The following RAP1GAP2 variants were observed in gnomAD, a reference collection of about 807,000 sequenced individuals.
RAP1GAP2 encodes rap1 GTPase-activating protein 2.
A neutral mutation model predicts 95.0 loss-of-function variants in RAP1GAP2; 27 were observed. The ratio of observed to expected loss-of-function variants is 0.28; its 90% CI spans 0.21 to 0.39. The LOEUF is 0.39. Ranked by LOEUF, RAP1GAP2 falls within the 10% of genes least tolerant of loss-of-function variation. The pLI is 1.00. For synonymous variants in RAP1GAP2, 373 were observed against 380.9 expected (o/e 0.98, Z 0.24); for missense variants, 771 against 970.0 (o/e 0.79, Z 2.72).
intron 11 of RAP1GAP2, among the ~76,000 whole-genome samples, chr17:2,989,863 C>T (rs1038537542): frequency 6.6e-6 from 1 of 152,116 alleles, no homozygotes; most frequent in Non-Finnish European, 1.5e-5. Flanking sequence ...TCATCACCCC[C>T]AAAAGAAACC....
intron 2 of RAP1GAP2, among the ~76,000 whole-genome samples, chr17:2,803,290 G>A (rs146445719): frequency 3.9e-5 from 6 of 152,282 alleles, no homozygotes; most frequent in East Asian, 1.9e-4. Flanking sequence ...CACTGTGTTC[G>A]GAGTTTTATT....
Position 2,966,085 on chromosome 17 carries a change from C to T in RAP1GAP2, c.596+442C>T, listed in dbSNP as rs142795368. Among the ~76,000 whole-genome samples the T allele has an allele frequency of 3.9e-3, 600 of 152,206 alleles. 2 individuals carry two copies. Among genetic ancestry groups the T allele is most frequent in the African/African-American group, 0.014 (574 of 41,520 alleles). ...TGTGTTTGTTGTATGGGCTGGGTTC[C>T]CTGAGATGCACTGATGTTCACAACA... is the stretch of plus-strand genomic sequence containing the variant. On this transcript the variant is annotated intron_variant, in intron 8 of 24. Coordinates refer to ENST00000254695, the MANE Select transcript of RAP1GAP2 (RefSeq NM_015085.5).
intron 2 of RAP1GAP2, among the ~76,000 whole-genome samples, chr17:2,848,398 G>A (rs1462447411): frequency 1.3e-5 from 2 of 152,168 alleles, no homozygotes; most frequent in Non-Finnish European, 2.9e-5. Flanking sequence ...TGGTGGGATG[G>A]ACCTCTTGGG....
rs1225773106 is a variant in RAP1GAP2, at chr17:3,036,195, A to G, written c.*2834A>G. 6.6e-6 allele frequency: 1 copy of G among 152,282 alleles called. No individual in the cohort carries two copies. The highest frequency in any genetic ancestry group is 1.5e-5 in the Non-Finnish European group (1 of 68,062). The allele number at this position is 152,282 out of a possible 1,614,324, so 9.4% of individuals were successfully genotyped here. On this transcript the variant is annotated 3_prime_UTR_variant, in exon 25 of 25. Transcript: ENST00000254695. ...AAAGATTCAGTGGTTCAGCTTTGTCAGCATCATCTCAACACAAGCCTGCTG... is the reference window on the plus strand; with the variant it reads ...AAAGATTCAGTGGTTCAGCTTTGTCGGCATCATCTCAACACAAGCCTGCTG...
chr17:2,893,854 A>G (rs1244815702), intron 2 of RAP1GAP2, among the ~76,000 whole-genome samples: 1 of 152,214 alleles, frequency 6.6e-6, no homozygotes, highest in Non-Finnish European at 1.5e-5. Context: ...TCTTCAGCGC[A>G]GGGGAGGTGG....
intron 2 of RAP1GAP2, among the ~76,000 whole-genome samples, chr17:2,812,004 T>C (rs1408660990): frequency 6.6e-6 from 1 of 152,140 alleles, no homozygotes; most frequent in Non-Finnish European, 1.5e-5. Context: ...CATGAGTCAC[T>C]GCGCCTGGCC....
At chr17:2,774,491 T>C (rs1403408701), upstream of RAP1GAP2, among the ~76,000 whole-genome samples, 2 of 150,094 alleles carry the variant, frequency 1.3e-5, no homozygotes, top group East Asian at 3.9e-4. Context: ...TTTTTTTTTT[T>C]TTTTTTTTGA....
rs368890098 is a variant in RAP1GAP2 at position 2,945,458 on chromosome 17, C to T, written c.166-12301C>T. 7.2e-5 allele frequency among the ~76,000 whole-genome samples: 11 copies of T among 152,194 alleles called. 1 individual carries two copies. The highest frequency in any genetic ancestry group is 1.4e-4 in the African/African-American group (6 of 41,532). On this transcript the variant is annotated intron_variant, in intron 3 of 24. Coordinates refer to ENST00000254695, the MANE Select transcript of RAP1GAP2 (RefSeq NM_015085.5). ...AGAGATAGTTTTACTGTTTCCTTTC[C>T]GTGGTAGATACCTTTTATTTCTTTG... is the stretch of plus-strand genomic sequence containing the variant.
At chr17:2,930,063 T>TG (rs2151790165) in intron 3 of RAP1GAP2, among the ~76,000 whole-genome samples, 1 of 152,324 alleles carries the variant, frequency 6.6e-6, no homozygotes, top group South Asian at 2.1e-4. Flanking sequence ...ACCTGCCCTG[T>TG]GTGGCTCTGA....
At chr17:2,994,253 C>T (rs2045879282) in intron 12 of RAP1GAP2, among the ~76,000 whole-genome samples, 1 of 152,298 alleles carries the variant, frequency 6.6e-6, no homozygotes, top group Non-Finnish European at 1.5e-5. Context: ...TTCTGCCATG[C>T]CAGCCTGGGC....
At chr17:2,921,450 G>A (rs1309529790) in intron 3 of RAP1GAP2, among the ~76,000 whole-genome samples, 2 of 152,030 alleles carry the variant, frequency 1.3e-5, no homozygotes, top group Non-Finnish European at 1.5e-5. Flanking sequence ...TGATCCACCC[G>A]CCTCAGCCCC....
intron 2 of RAP1GAP2, among the ~76,000 whole-genome samples, chr17:2,805,496 C>T (rs1262006957): frequency 6.6e-6 from 1 of 152,138 alleles, no homozygotes; most frequent in Non-Finnish European, 1.5e-5. Flanking sequence ...GCTGGGATTA[C>T]AGGTGTGCAC....
upstream of RAP1GAP2, among the ~76,000 whole-genome samples, chr17:2,791,801 T>C (rs2068931502): frequency 6.6e-6 from 1 of 151,630 alleles, no homozygotes; most frequent in Non-Finnish European, 1.5e-5. Context: ...AGCTGGGCTG[T>C]GCTTGATGGG....
intron 2 of RAP1GAP2, among the ~76,000 whole-genome samples, chr17:2,853,436 G>A (rs974069712): frequency 2.0e-5 from 3 of 151,900 alleles, no homozygotes; most frequent in Admixed American, 2.0e-4. Context: ...GGGCCGGGGA[G>A]GGCGGCAGCC....
rs1010569856 is a variant in RAP1GAP2, at chr17:2,903,982, G to C, written c.81-1302G>C. 2.0e-5 allele frequency among the ~76,000 whole-genome samples: 3 copies of C among 152,210 alleles called. No individual in the cohort carries two copies. Among genetic ancestry groups the C allele is most frequent in the African/African-American group, 7.2e-5 (3 of 41,454 alleles). On this transcript the variant is annotated intron_variant, in intron 2 of 24. Transcript: ENST00000254695. The surrounding 1 kb of genome is among the most constrained non-coding windows in gnomAD (Gnocchi z 4.1). ...TCGCTGGCAGGACTTGGGCTGGGAA[G>C]AGGGGCAGAAGGATTCTCTGGAGGT...
intron 2 of RAP1GAP2, among the ~76,000 whole-genome samples, chr17:2,834,087 A>T (rs2071026998): frequency 6.6e-6 from 1 of 152,134 alleles, no homozygotes; most frequent in African/African-American, 2.4e-5. Flanking sequence ...TTTTGCTGAG[A>T]ATAACCTCGA....
intron 2 of RAP1GAP2, among the ~76,000 whole-genome samples, chr17:2,830,186 C>T (rs949892148): frequency 3.4e-4 from 52 of 152,034 alleles, no homozygotes; most frequent in African/African-American, 1.1e-3. Context: ...CCGAGGTGGG[C>T]GGATCACTTG....
At position 2,980,373 on chromosome 17, in the gene RAP1GAP2, A is replaced by G; in HGVS notation, c.675+8A>G. ...GTCCCTCAGATTGCAAAGGTGAGAA[A>G]CCAACCCGTGAGAGATGGTGGCTTC... On this transcript the variant is annotated splice_region_variant and intron_variant, in intron 9 of 24. Coordinates refer to ENST00000254695, the MANE Select transcript of RAP1GAP2 (RefSeq NM_015085.5). 6.2e-7 allele frequency: 1 copy of G among 1,613,574 alleles called. No individual in the cohort carries two copies. Among genetic ancestry groups the G allele is most frequent in the Non-Finnish European group, 8.5e-7 (1 of 1,179,602 alleles).
At chr17:2,986,153 T>C (rs1328602960) in intron 11 of RAP1GAP2, among the ~76,000 whole-genome samples, 1 of 152,226 alleles carries the variant, frequency 6.6e-6, no homozygotes, top group East Asian at 1.9e-4. Flanking sequence ...ATGGTATCTT[T>C]CTTGGTTAGA....
Sources: allele counts gnomAD v4.1 joint callset (sites outside exome capture counted in the v4.1 genomes callset), GRCh38; gene constraint gnomAD v4.1.1; non-coding constraint Gnocchi (gnomAD v3.1); transcripts MANE v1.5; gene names NCBI Gene and HGNC (gene_info 2026-07-23, HGNC 2026-07-21).